ADAMTS17: variants seen among roughly 807,000 people sequenced by gnomAD.
The protein encoded by ADAMTS17 is ADAM metallopeptidase with thrombospondin type 1 motif 17.
In ADAMTS17, 113 loss-of-function variants were observed where a neutral mutation model predicts 141.5. The ratio of observed to expected loss-of-function variants is 0.80; its 90% CI spans 0.69 to 0.93. The LOEUF (loss-of-function observed/expected upper bound fraction) is 0.93. Ranked by LOEUF, ADAMTS17 falls within the 40% of genes least tolerant of loss-of-function variation. ADAMTS17 has a pLI of 0.00. For missense variants in ADAMTS17, 1,659 were observed against 1,517.9 expected (o/e 1.09, Z -1.54); for synonymous variants, 768 against 630.6 (o/e 1.22, Z -3.27).
At chr15:99,975,914 AT>A (rs1397757239) in intron 21 of ADAMTS17, 130 bp downstream of exon 21, 1 of 1,037,484 alleles carries the variant, frequency 9.6e-7, no homozygotes, top group African/African-American at 1.6e-5. Context: ...GAACTGACAA[AT>A]GTCAGCCTTA....
rs1326958410 is a variant in ADAMTS17, at chr15:100,122,028, CCTCT to C, written c.1722-5019_1722-5016del. Among the ~76,000 whole-genome samples, 5 of 152,238 alleles carry C rather than the reference CCTCT, an allele frequency of 3.3e-5. No homozygotes were observed. The South Asian group carries it at 1.0e-3, about 32-fold the overall frequency. ...CTCATTCAGTGGGCCCCAGTTGCAC[CCTCT>C]CTAACAAGGTCCAAGGAATTTCATC... is the stretch of plus-strand genomic sequence containing the variant. On this transcript the variant is annotated intron_variant, in intron 12 of 21. Transcript: ENST00000268070.
intron 15 of ADAMTS17, among the ~76,000 whole-genome samples, chr15:100,082,898 T>C (rs143727034): frequency 6.3e-4 from 96 of 152,142 alleles, no homozygotes; most frequent in Non-Finnish European, 1.0e-3. Context: ...CAGGATTGGC[T>C]TTCTGCTGGG....
intron 18 of ADAMTS17, among the ~76,000 whole-genome samples, chr15:100,034,281 T>C (rs1170469105): frequency 6.6e-6 from 1 of 152,228 alleles, no homozygotes; most frequent in Non-Finnish European, 1.5e-5. Context: ...CCATGGAGGA[T>C]TCAGACCTGT....
At chr15:100,130,629 G>T (rs2037989583) in intron 12 of ADAMTS17, among the ~76,000 whole-genome samples, 1 of 152,138 alleles carries the variant, frequency 6.6e-6, no homozygotes, top group Non-Finnish European at 1.5e-5. Context: ...TTAGTGTTCT[G>T]TGATTTGATC....
chr15:100,341,354 G>A lies in ADAMTS17; in HGVS notation c.135C>T (p.Pro45=). Residue 45 remains proline (P), a synonymous_variant, in exon 2 of 22, where the codon CCC becomes CCT. Transcript: ENST00000268070. ...VEVVLPWRVR[P]DDVHLPPLPA... The stretch of plus-strand genomic sequence containing the variant: ...GCAGCGGCGGCAGGTGCACGTCGTC[G>A]GGGCGCACCCGCCACGGGAGCACCA... 2.9e-6 allele frequency: 3 copies of A among 1,018,728 alleles called. No homozygotes were observed. Among genetic ancestry groups the A allele is most frequent in the Non-Finnish European group, 3.5e-6 (3 of 853,820 alleles). 63.1% of individuals were successfully genotyped at this position (1,018,728 alleles called of 1,614,324 possible).
At chr15:100,220,068 C>A (rs1227312248) in intron 7 of ADAMTS17, among the ~76,000 whole-genome samples, 1 of 152,082 alleles carries the variant, frequency 6.6e-6, no homozygotes, top group East Asian at 1.9e-4. Context: ...CGCCATGGTA[C>A]CTTCTGATGC....
chr15:100,103,605 GTCTC>G (rs1229374657), intron 14 of ADAMTS17, among the ~76,000 whole-genome samples: 2 of 150,392 alleles, frequency 1.3e-5, no homozygotes, highest in Non-Finnish European at 2.9e-5. Context: ...TTGAGATGGA[GTCTC>G]TCTCTGTCGC....
chr15:99,979,549 C>A (rs1254810918), intron 20 of ADAMTS17: 3 of 152,140 alleles, frequency 2.0e-5, no homozygotes, highest in Non-Finnish European at 2.9e-5. Flanking sequence ...TCACGCCAAT[C>A]CCCTGCAAAA....
chr15:100,169,209 C>G (rs538215030), intron 8 of ADAMTS17, among the ~76,000 whole-genome samples: 122 of 152,302 alleles, frequency 8.0e-4, no homozygotes, highest in African/African-American at 2.9e-3. Flanking sequence ...TCTTATCCAT[C>G]CACCAGCACA....
At chr15:100,024,026 T>C (rs1250850593) in intron 18 of ADAMTS17, among the ~76,000 whole-genome samples, 3 of 152,254 alleles carry the variant, frequency 2.0e-5, no homozygotes, top group Non-Finnish European at 4.4e-5. Context: ...AATCTTTGTA[T>C]ACTGTGCATC....
intron 18 of ADAMTS17, among the ~76,000 whole-genome samples, chr15:100,015,204 T>G (rs575002189): frequency 7.2e-5 from 11 of 152,214 alleles, no homozygotes; most frequent in Non-Finnish European, 1.6e-4. Context: ...TTGCTGTCTA[T>G]TTGCATGAAT....
rs566952288 is a variant in ADAMTS17 at position 100,200,899 on chromosome 15, C to T, written c.1076-1476G>A. On this transcript the variant is annotated intron_variant, in intron 7 of 21. Transcript: ENST00000268070. ...TGGGCTGTCCCTCTGTCGAGCTGCACCTGCTCTCCCCCATGGCTGTCCCTC... is the reference window on the plus strand; with the variant it reads ...TGGGCTGTCCCTCTGTCGAGCTGCATCTGCTCTCCCCCATGGCTGTCCCTC... Among the ~76,000 whole-genome samples the T allele has an allele frequency of 1.9e-4, 29 of 152,312 alleles. No individual in the cohort carries two copies. The South Asian group carries it at 5.6e-3, about 29-fold the overall frequency.
intron 7 of ADAMTS17, among the ~76,000 whole-genome samples, chr15:100,247,095 C>T (rs1038419842): frequency 1.3e-5 from 2 of 152,082 alleles, no homozygotes; most frequent in African/African-American, 2.4e-5. Flanking sequence ...CCATGTTGGC[C>T]GGGCTAGTCT....
At chr15:100,098,074 G>T (rs1372922648) in intron 14 of ADAMTS17, among the ~76,000 whole-genome samples, 1 of 152,212 alleles carries the variant, frequency 6.6e-6, no homozygotes, top group East Asian at 1.9e-4. Context: ...AGTATAAAAA[G>T]AGGAAAAGGG....
At chr15:100,067,601 T>A (rs926481203) in intron 15 of ADAMTS17, among the ~76,000 whole-genome samples, 5 of 152,230 alleles carry the variant, frequency 3.3e-5, no homozygotes, top group African/African-American at 1.2e-4. Context: ...CTTTTGAACA[T>A]CAGAGTACAT....
At position 100,262,415 on chromosome 15, in the gene ADAMTS17, G is replaced by C. The variant is rs2043555073; in HGVS notation, c.810C>G (p.His270Gln). The change falls in exon 5 of 22, where the codon CAC (histidine) becomes CAG (glutamine). Residue 270 changes from histidine (H) to glutamine (Q), a missense_variant. Coordinates refer to ENST00000268070, the MANE Select transcript of ADAMTS17 (RefSeq NM_139057.4). ...VMNMVYNMFQ[H>Q]QSLGIKINIQ... ...TGTTAATTTTAATCCCCAGGCTCTG[G>C]TGCTGAAACATATTGTATACCTATC... The C allele has an allele frequency of 1.9e-6, 3 of 1,613,702 alleles. No individual in the cohort carries two copies. Among genetic ancestry groups the C allele is most frequent in the Non-Finnish European group, 2.5e-6 (3 of 1,179,848 alleles).
chr15:100,191,608 C>T (rs2040919567), intron 8 of ADAMTS17, among the ~76,000 whole-genome samples: 1 of 152,264 alleles, frequency 6.6e-6, no homozygotes, highest in East Asian at 1.9e-4. Context: ...TGCAGTTTCT[C>T]TGCAACCCGT....
chr15:100,226,644 G>A (rs2141826592), intron 7 of ADAMTS17, among the ~76,000 whole-genome samples: 1 of 152,320 alleles, frequency 6.6e-6, no homozygotes, highest in Middle Eastern at 3.4e-3. Context: ...AAAGGAGAGT[G>A]CAGGGGCTTT....
At chr15:100,076,280 T>C (rs948205263) in intron 15 of ADAMTS17, among the ~76,000 whole-genome samples, 4 of 152,134 alleles carry the variant, frequency 2.6e-5, no homozygotes, top group Admixed American at 2.6e-4. Flanking sequence ...TGACCTCAGG[T>C]GATCCACCTG....
Sources: gnomAD v4.1 joint callset for allele counts (sites outside exome capture counted in the v4.1 genomes callset) on GRCh38, gnomAD v4.1.1 for gene constraint, MANE v1.5 for transcripts, NCBI Gene and HGNC (gene_info 2026-07-23, HGNC 2026-07-21) for gene names.